Variants in MSRA observed in about 807,000 individuals in gnomAD.
MSRA encodes the protein methionine sulfoxide reductase A.
In MSRA, 54 loss-of-function variants were observed where a neutral mutation model predicts 31.3. The ratio of observed to expected loss-of-function variants is 1.73; its 90% CI spans 1.39 to 2.17. The LOEUF (loss-of-function observed/expected upper bound fraction) is 2.17, where lower values mean the gene tolerates loss of function less well. MSRA is among the 30% of genes most tolerant of loss of function. MSRA has a pLI of 0.00. For missense variants in MSRA, 507 were observed against 300.9 expected, an observed-to-expected ratio of 1.69 and a Z score of -5.07; for synonymous variants, 169 against 116.5, an observed-to-expected ratio of 1.45 and a Z score of -2.90.
At chr8:10,151,220 C>G (rs1461736759) in intron 1 of MSRA, among the ~76,000 whole-genome samples, 1 of 146,840 alleles carries the variant, frequency 6.8e-6, no homozygotes, top group African/African-American at 2.6e-5. Context: ...CAAGACTGCA[C>G]CACTGCATTC....
intron 5 of MSRA, among the ~76,000 whole-genome samples, chr8:10,387,947 C>G (rs2129177845): frequency 6.6e-6 from 1 of 152,246 alleles, no homozygotes; most frequent in East Asian, 1.9e-4. Context: ...CATGCCAAAG[C>G]CGCCTATTTT....
chr8:10,119,904 A>G (rs1441799287), intron 1 of MSRA, among the ~76,000 whole-genome samples: 2 of 152,204 alleles, frequency 1.3e-5, no homozygotes, highest in Non-Finnish European at 2.9e-5. Flanking sequence ...AGAGAAACCA[A>G]CAAGAGCTGG....
chr8:10,161,296 C>G (rs1905628), intron 1 of MSRA, among the ~76,000 whole-genome samples: 29,078 of 152,100 alleles, frequency 0.19, 3,233 homozygotes, highest in East Asian at 0.49. Flanking sequence ...TGGCTATCCC[C>G]CAACCCCCTG....
intron 1 of MSRA, among the ~76,000 whole-genome samples, chr8:10,185,005 G>T (rs1348149467): frequency 6.6e-6 from 1 of 152,174 alleles, no homozygotes; most frequent in African/African-American, 2.4e-5. Flanking sequence ...TTTATTGCAG[G>T]GCTGAGACCC....
intron 5 of MSRA, among the ~76,000 whole-genome samples, chr8:10,395,662 T>G (rs1807051270): frequency 6.6e-6 from 1 of 152,150 alleles, no homozygotes; most frequent in South Asian, 2.1e-4. Flanking sequence ...CTCCTCTGTT[T>G]ATAATGAAAT....
intron 3 of MSRA, among the ~76,000 whole-genome samples, chr8:10,271,454 A>G (rs867303012): frequency 4.6e-5 from 1 of 21,956 alleles, no homozygotes; most frequent in African/African-American, 1.2e-4. Context: ...TGACTAGGGG[A>G]AAAATAACTT....
Position 10,112,398 on chromosome 8 carries a change from A to G in MSRA, c.142+57740A>G, listed in dbSNP as rs566936298. 2.6e-5 allele frequency among the ~76,000 whole-genome samples: 4 copies of G among 152,378 alleles called. No homozygotes were observed. The South Asian group carries it at 8.3e-4, about 32-fold the overall frequency. On this transcript the variant is annotated intron_variant, in intron 1 of 5. Transcript: ENST00000317173. ...GGCTACCTCTCTCACATAATAGAGA[A>G]TTTCTAGGAAAAGCTGTTAACATTC... is the stretch of plus-strand genomic sequence containing the variant.
chr8:10,387,666 C>A (rs560097832), intron 5 of MSRA, among the ~76,000 whole-genome samples: 2 of 152,170 alleles, frequency 1.3e-5, no homozygotes, highest in African/African-American at 4.8e-5. Flanking sequence ...CAGATAAAGT[C>A]TCCCAAGTAA....
intron 2 of MSRA, among the ~76,000 whole-genome samples, chr8:10,235,863 A>C (rs934101387): frequency 2.0e-5 from 3 of 152,202 alleles, no homozygotes; most frequent in African/African-American, 7.2e-5. Flanking sequence ...TAAGAAAATA[A>C]AGTTATAATA....
chr8:10,351,036 G>A (rs1175727799), intron 5 of MSRA, among the ~76,000 whole-genome samples: 1 of 152,188 alleles, frequency 6.6e-6, no homozygotes, highest in Non-Finnish European at 1.5e-5. Flanking sequence ...GAATTGACTG[G>A]AAAGAGAACC....
chr8:10,335,272 T>TC (rs1218952424), intron 5 of MSRA, among the ~76,000 whole-genome samples: 1 of 149,116 alleles, frequency 6.7e-6, no homozygotes, highest in Non-Finnish European at 1.5e-5. Flanking sequence ...TTTTTTTTTT[T>TC]TGTAGTGTTT....
Position 10,254,469 on chromosome 8 carries a change from G to T in MSRA, c.331+9246G>T, listed in dbSNP as rs571031902. On this transcript the variant is annotated intron_variant, in intron 3 of 5. Coordinates refer to ENST00000317173, the MANE Select transcript of MSRA (RefSeq NM_012331.5). ...GCACATAATACCCATCTTAGGTTTAGAAGAGCAATTGAAAACATAATGTTC... is the reference window on the plus strand; with the variant it reads ...GCACATAATACCCATCTTAGGTTTATAAGAGCAATTGAAAACATAATGTTC... Among the ~76,000 whole-genome samples, 88 of 152,322 alleles carry T rather than the reference G, an allele frequency of 5.8e-4. 2 individuals carry two copies. In the South Asian group the frequency reaches 0.017, roughly 30 times the overall value.
At chr8:10,258,860 A>T (rs969460655) in intron 3 of MSRA, among the ~76,000 whole-genome samples, 1 of 152,160 alleles carries the variant, frequency 6.6e-6, no homozygotes, top group Admixed American at 6.5e-5. Flanking sequence ...TAATCCCAGC[A>T]CTTTGGGAGG....
intron 1 of MSRA, among the ~76,000 whole-genome samples, chr8:10,067,874 G>GTTTTTTTTTTTTTTTTTTTTTTTTTTTTT (rs71203303): frequency 2.0e-5 from 1 of 49,368 alleles, no homozygotes; most frequent in Non-Finnish European, 4.2e-5. Context: ...TTCTTACTGA[G>GTTTTTTTTTTTTTTTTTTTTTTTTTTTTT]TTTTTTTTTT....
At chr8:10,365,159 A>T (rs1008629251) in intron 5 of MSRA, among the ~76,000 whole-genome samples, 12 of 151,686 alleles carry the variant, frequency 7.9e-5, no homozygotes, top group African/African-American at 2.9e-4. Context: ...AAAAAAAAAA[A>T]AAAAAGTCGA....
intron 3 of MSRA, among the ~76,000 whole-genome samples, chr8:10,276,580 G>C (rs1243910715): frequency 6.6e-6 from 1 of 152,198 alleles, no homozygotes; most frequent in Non-Finnish European, 1.5e-5. Context: ...TGATTAAGCA[G>C]GGCTTGCTTT....
chr8:10,059,107 C>A (rs1585060412), intron 1 of MSRA: 1 of 152,090 alleles, frequency 6.6e-6, no homozygotes, highest in African/African-American at 2.4e-5. Context: ...AAGGTGGTAT[C>A]TCAAGTCAGT....
intron 1 of MSRA, among the ~76,000 whole-genome samples, chr8:10,117,104 C>T (rs1328668286): frequency 6.6e-6 from 1 of 152,174 alleles, no homozygotes; most frequent in Non-Finnish European, 1.5e-5. Flanking sequence ...GAAATGGCAG[C>T]TCATATTTCT....
At chr8:10,287,331 T>C (rs1229949159) in intron 3 of MSRA, among the ~76,000 whole-genome samples, 3 of 152,210 alleles carry the variant, frequency 2.0e-5, no homozygotes, top group Admixed American at 6.5e-5. Flanking sequence ...AGTTTTCTCA[T>C]CTTTGAAATG....
Sources: gnomAD v4.1 joint callset for allele counts (sites outside exome capture counted in the v4.1 genomes callset) on GRCh38, gnomAD v4.1.1 for gene constraint, MANE v1.5 for transcripts, NCBI Gene and HGNC (gene_info 2026-07-23, HGNC 2026-07-21) for gene names.